MNAT1: variants seen among roughly 807,000 people sequenced by gnomAD.
MNAT1 encodes MNAT1 component of CDK activating kinase, also known as CDK-activating kinase assembly factor MAT1.
In MNAT1, 43 loss-of-function variants were observed where a neutral mutation model predicts 42.0. That is an observed-to-expected ratio of 1.02 (90% CI 0.80 to 1.32). MNAT1 has a LOEUF of 1.32. Among genes scored for constraint, MNAT1 ranks in the 40% most tolerant of loss-of-function variants. The pLI is 0.00. For missense variants in MNAT1, 306 were observed against 350.4 expected (o/e 0.87, Z 1.01); for synonymous variants, 118 against 120.0 (o/e 0.98, Z 0.11).
intron 1 of MNAT1, among the ~76,000 whole-genome samples, chr14:60,764,577 G>A (rs1182548051): frequency 2.0e-5 from 3 of 152,162 alleles, no homozygotes; most frequent in Admixed American, 6.5e-5. Context: ...ATTTGAGACA[G>A]ATTTAGATGG....
At position 60,835,959 on chromosome 14, in the gene MNAT1, G is replaced by A. The variant is rs190788445; in HGVS notation, c.687+17112G>A. On this transcript the variant is annotated intron_variant, in intron 6 of 7. Coordinates refer to ENST00000261245, the MANE Select transcript of MNAT1 (RefSeq NM_002431.4). The stretch of plus-strand genomic sequence containing the variant: ...TTTCATTATTTTTTTCTCTAATCTC[G>A]TCTTCACACTTTGTTTCATTAAATT... 1.8e-4 allele frequency among the ~76,000 whole-genome samples: 28 copies of A among 151,776 alleles called. No individual in the cohort carries two copies. In the Middle Eastern group the frequency reaches 0.01, roughly 55 times the overall value.
chr14:60,947,868 A>C (rs2036310984), intron 7 of MNAT1, among the ~76,000 whole-genome samples: 1 of 152,096 alleles, frequency 6.6e-6, no homozygotes, highest in Non-Finnish European at 1.5e-5. Context: ...GTTTTAGTGA[A>C]ACTTCCTACC....
At chr14:60,820,963 G>A (rs1348314712) in intron 6 of MNAT1, among the ~76,000 whole-genome samples, 1 of 152,024 alleles carries the variant, frequency 6.6e-6, no homozygotes, top group Non-Finnish European at 1.5e-5. Context: ...AAAAATACAG[G>A]CAGAGAAAAG....
intron 1 of MNAT1, among the ~76,000 whole-genome samples, chr14:60,761,493 C>T (rs556916359): frequency 6.6e-6 from 1 of 152,278 alleles, no homozygotes; most frequent in South Asian, 2.1e-4. Flanking sequence ...ATCTAATTTT[C>T]AGGTTTTCAA....
chr14:60,959,961 A>G (rs1251850605), intron 7 of MNAT1, among the ~76,000 whole-genome samples: 2 of 129,782 alleles, frequency 1.5e-5, no homozygotes, highest in South Asian at 4.6e-4. Context: ...TCTGAGAGTC[A>G]GTCGTATTGA....
chr14:60,877,902 A>T (rs934860737), intron 6 of MNAT1, among the ~76,000 whole-genome samples: 3 of 151,936 alleles, frequency 2.0e-5, no homozygotes, highest in Non-Finnish European at 4.4e-5. Context: ...TCAGCATAAA[A>T]TTTTCTTATT....
chr14:60,837,864 A>T (rs1464053166), intron 6 of MNAT1, among the ~76,000 whole-genome samples: 2 of 152,152 alleles, frequency 1.3e-5, no homozygotes, highest in African/African-American at 2.4e-5. Flanking sequence ...TAGCTATACT[A>T]TTTAAGATTC....
chr14:60,852,345 T>TG (rs1233757396), intron 6 of MNAT1, among the ~76,000 whole-genome samples: 11 of 152,166 alleles, frequency 7.2e-5, no homozygotes, highest in Non-Finnish European at 1.6e-4. Flanking sequence ...GAGAAGTGTC[T>TG]TTCATATCCT....
At chr14:60,805,812 C>G (rs2032350664) in intron 3 of MNAT1, among the ~76,000 whole-genome samples, 1 of 152,120 alleles carries the variant, frequency 6.6e-6, no homozygotes, top group Non-Finnish European at 1.5e-5. Context: ...CAAGTTTTGG[C>G]AATGATTAAT....
In MNAT1 at chr14:60,854,068, C is replaced by T. The variant is rs546717693; in HGVS notation, c.688-25646C>T. Among the ~76,000 whole-genome samples the T allele has an allele frequency of 2.9e-4, 44 of 152,182 alleles. No homozygotes were observed. In the South Asian group the frequency reaches 7.5e-3, roughly 26 times the overall value. On this transcript the variant is annotated intron_variant, in intron 6 of 7. Coordinates refer to ENST00000261245, the MANE Select transcript of MNAT1 (RefSeq NM_002431.4). ...TAAGTTGATCCTCAATCTCTGATAC[C>T]GTTTCTTCCACTTTACAGATTCAGC...
intron 6 of MNAT1, among the ~76,000 whole-genome samples, chr14:60,851,543 T>G (rs1035241257): frequency 4.6e-5 from 7 of 152,202 alleles, no homozygotes; most frequent in African/African-American, 1.7e-4. Context: ...ATTAATATTT[T>G]TATTTTACTT....
chr14:60,778,352 A>C (rs538805111), intron 1 of MNAT1, among the ~76,000 whole-genome samples: 11 of 152,298 alleles, frequency 7.2e-5, no homozygotes, highest in African/African-American at 2.6e-4. Flanking sequence ...TGGAATCAAC[A>C]TACATGGTAG....
At chr14:60,871,870 G>A (rs1437382654) in intron 6 of MNAT1, among the ~76,000 whole-genome samples, 1 of 151,990 alleles carries the variant, frequency 6.6e-6, no homozygotes, top group African/African-American at 2.4e-5. Flanking sequence ...TGATCCACCC[G>A]CCTCGGCCTC....
At chr14:60,963,872 C>T (rs146065193) in intron 7 of MNAT1, among the ~76,000 whole-genome samples, 15 of 152,244 alleles carry the variant, frequency 9.9e-5, no homozygotes, top group African/African-American at 3.4e-4. Flanking sequence ...TAATTCCAAG[C>T]CAGTGTGCTT....
chr14:60,943,696 A>G (rs556107864), intron 7 of MNAT1, among the ~76,000 whole-genome samples: 1 of 152,020 alleles, frequency 6.6e-6, no homozygotes, highest in Non-Finnish European at 1.5e-5. Context: ...TTTGCCCTCC[A>G]TGTTGCTGGT....
At chr14:60,945,093 T>C (rs2036245571) in intron 7 of MNAT1, among the ~76,000 whole-genome samples, 2 of 152,220 alleles carry the variant, frequency 1.3e-5, no homozygotes, top group African/African-American at 4.8e-5. Context: ...TAAGAACCAC[T>C]TACCATCATC....
At chr14:60,795,685 C>T (rs2031992140) in intron 1 of MNAT1, among the ~76,000 whole-genome samples, 2 of 152,204 alleles carry the variant, frequency 1.3e-5, no homozygotes, top group Admixed American at 1.3e-4. Context: ...TCTTTATCCT[C>T]TGGCCAGTGA....
chr14:60,761,642 T>A (rs544201818), intron 1 of MNAT1, among the ~76,000 whole-genome samples: 1 of 152,346 alleles, frequency 6.6e-6, no homozygotes, highest in South Asian at 2.1e-4. Context: ...TTATATTTCC[T>A]TTATTGCATG....
At chr14:60,753,895 A>G (rs1423867818) in intron 1 of MNAT1, 3 of 152,126 alleles carry the variant, frequency 2.0e-5, no homozygotes, top group Non-Finnish European at 2.9e-5. Context: ...GAAGTTTCTC[A>G]TTTCCAAGGC....
Sources: gnomAD v4.1 joint callset for allele counts (sites outside exome capture counted in the v4.1 genomes callset) on GRCh38, gnomAD v4.1.1 for gene constraint, MANE v1.5 for transcripts, NCBI Gene and HGNC (gene_info 2026-07-23, HGNC 2026-07-21) for gene names.